Variants in PLPPR5 observed in about 807,000 individuals in gnomAD.
PLPPR5 encodes the protein phospholipid phosphatase related 5.
Under a neutral mutation model 33.9 loss-of-function variants are expected in PLPPR5, and 16 were observed. That is an observed-to-expected ratio of 0.47 (90% CI 0.32 to 0.72). The LOEUF is 0.72. PLPPR5 is among the 30% of genes least tolerant of loss of function. The pLI, the probability that PLPPR5 is intolerant of heterozygous loss-of-function variation, is 0.03. For synonymous variants in PLPPR5, 163 were observed against 150.3 expected (o/e 1.08, Z -0.62); for missense variants, 301 against 406.7 (o/e 0.74, Z 2.23).
At chr1:98,961,071 C>T (rs907449316) in intron 1 of PLPPR5, among the ~76,000 whole-genome samples, 1 of 152,150 alleles carries the variant, frequency 6.6e-6, no homozygotes, top group Non-Finnish European at 1.5e-5. Context: ...TGAAGTGTTT[C>T]CCACCCAGTC....
In PLPPR5 at chr1:98,965,246, T is replaced by A. The variant is rs1651396327; in HGVS notation, c.238-8505A>T. On this transcript the variant is annotated intron_variant, in intron 1 of 5. Transcript: ENST00000263177. ...GATCTGCTCCTGAACCCCAACCTGA[T>A]AGAAGCCTTGCACCCCACTGACAGA... is the stretch of plus-strand genomic sequence containing the variant. Among the ~76,000 whole-genome samples the A allele has an allele frequency of 2.0e-5, 3 of 152,166 alleles. No individual in the cohort carries two copies. The South Asian group carries it at 6.2e-4, about 32-fold the overall frequency.
chr1:98,976,191 G>A (rs1177385485), intron 1 of PLPPR5, among the ~76,000 whole-genome samples: 4 of 150,744 alleles, frequency 2.7e-5, no homozygotes, highest in Admixed American at 2.6e-4. Context: ...AAAAGGAAGA[G>A]GAGTTGGGGA....
At chr1:99,005,490 A>T (rs1037770440), upstream of PLPPR5, among the ~76,000 whole-genome samples, 2 of 152,150 alleles carry the variant, frequency 1.3e-5, no homozygotes, top group South Asian at 4.1e-4. Context: ...ATATGTATAT[A>T]CAAATAATAA....
At chr1:98,907,339 C>G (rs1570685945) in intron 5 of PLPPR5, among the ~76,000 whole-genome samples, 2 of 151,540 alleles carry the variant, frequency 1.3e-5, no homozygotes, top group Non-Finnish European at 2.9e-5. Context: ...GTAGCTGGGA[C>G]TACAGGCACA....
rs1905000 is a variant in PLPPR5, at chr1:98,925,094, T to G, written c.622-3036A>C. 5.6e-3 allele frequency among the ~76,000 whole-genome samples: 852 copies of G among 152,092 alleles called. 8 individuals are homozygous for G. Among genetic ancestry groups the G allele is most frequent in the African/African-American group, 0.02 (824 of 41,472 alleles). ...CTTTTTAGCCAGTCTAATTGTGTTA[T>G]CCTTACATAAAGTCTATTATTCTTA... On this transcript the variant is annotated intron_variant, in intron 3 of 5. Transcript: ENST00000263177.
intron 5 of PLPPR5, among the ~76,000 whole-genome samples, chr1:98,910,114 A>C (rs1265220367): frequency 6.6e-6 from 1 of 152,242 alleles, no homozygotes; most frequent in African/African-American, 2.4e-5. Flanking sequence ...ATATAAGTAC[A>C]TAACTTCTAA....
intron 5 of PLPPR5, among the ~76,000 whole-genome samples, chr1:98,914,545 C>T (rs1649267715): frequency 6.6e-6 from 1 of 152,052 alleles, no homozygotes; most frequent in Admixed American, 6.6e-5. Context: ...CCTTGGCCTC[C>T]CAAAGAGCTG....
chr1:98,930,641 A>G (rs1012928803), intron 3 of PLPPR5, among the ~76,000 whole-genome samples: 1 of 152,208 alleles, frequency 6.6e-6, no homozygotes, highest in African/African-American at 2.4e-5. Context: ...CATATAACTA[A>G]TATTAATGAC....
intron 1 of PLPPR5, among the ~76,000 whole-genome samples, chr1:98,998,327 G>T (rs1205563990): frequency 6.6e-6 from 1 of 152,112 alleles, no homozygotes; most frequent in Non-Finnish European, 1.5e-5. Context: ...ACCAGAGGGT[G>T]GTTCCACATA....
intron 3 of PLPPR5, among the ~76,000 whole-genome samples, chr1:98,933,196 A>T (rs1969516): frequency 0.14 from 21,014 of 148,620 alleles, 1,585 homozygotes; most frequent in South Asian, 0.22. Context: ...GGCTTTTTAA[A>T]AAAAAAAAAA....
intron 5 of PLPPR5, among the ~76,000 whole-genome samples, chr1:98,898,138 C>T (rs1648550847): frequency 6.6e-6 from 1 of 152,080 alleles, no homozygotes; most frequent in Non-Finnish European, 1.5e-5. Context: ...GGTGGCAAAA[C>T]CTGATCTGTT....
At chr1:99,001,431 G>A (rs1181327066) in intron 1 of PLPPR5, among the ~76,000 whole-genome samples, 1 of 151,614 alleles carries the variant, frequency 6.6e-6, no homozygotes. Context: ...CACCGCAACC[G>A]ACCCCCAACT....
At chr1:98,940,992 G>A (rs192995689) in intron 3 of PLPPR5, among the ~76,000 whole-genome samples, 1 of 151,958 alleles carries the variant, frequency 6.6e-6, no homozygotes, top group African/African-American at 2.4e-5. Context: ...CAAGTAAGGT[G>A]CTGATGAGAC....
chr1:98,938,772 A>G (rs1317902972), intron 3 of PLPPR5, among the ~76,000 whole-genome samples: 2 of 152,162 alleles, frequency 1.3e-5, no homozygotes, highest in Admixed American at 6.5e-5. Context: ...TAGCACATAT[A>G]TACCATGGAA....
At chr1:98,912,445 T>C (rs1209419178) in intron 5 of PLPPR5, among the ~76,000 whole-genome samples, 1 of 152,208 alleles carries the variant, frequency 6.6e-6, no homozygotes, top group Admixed American at 6.5e-5. Context: ...AGATTGGTCA[T>C]CTTACAAAGT....
intron 5 of PLPPR5, 50 bp downstream of exon 5, chr1:98,914,736 T>G: frequency 6.6e-7 from 1 of 1,506,688 alleles, no homozygotes; most frequent in South Asian, 1.2e-5. Flanking sequence ...ACAGGAATAA[T>G]GATTCATTTG....
chr1:98,904,501 C>T (rs999908591), intron 5 of PLPPR5, among the ~76,000 whole-genome samples: 4 of 152,094 alleles, frequency 2.6e-5, no homozygotes, highest in African/African-American at 9.7e-5. Context: ...AAATCCTATT[C>T]ATCCTTATAT....
chr1:98,914,016 T>C (rs532231191), intron 5 of PLPPR5, among the ~76,000 whole-genome samples: 67 of 152,322 alleles, frequency 4.4e-4, no homozygotes, highest in African/African-American at 1.5e-3. Flanking sequence ...GGTGTTTTCC[T>C]GATATCAGAC....
chr1:98,964,229 GAACC>G (rs1651354119), intron 1 of PLPPR5, among the ~76,000 whole-genome samples: 1 of 152,160 alleles, frequency 6.6e-6, no homozygotes, highest in South Asian at 2.1e-4. Context: ...TTTCTTCTGT[GAACC>G]AACCAATGAA....
Sources: gnomAD v4.1 joint callset for allele counts (sites outside exome capture counted in the v4.1 genomes callset) on GRCh38, gnomAD v4.1.1 for gene constraint, MANE v1.5 for transcripts, NCBI Gene and HGNC (gene_info 2026-07-23, HGNC 2026-07-21) for gene names.